Variants in LARS2 observed in about 807,000 individuals in gnomAD.
LARS2 encodes leucine--tRNA ligase, mitochondrial.
LARS2 carries 81 observed loss-of-function variants against 116.6 expected under a neutral mutation model. The observed-to-expected ratio is 0.69, with a 90% confidence interval of 0.58 to 0.84. LARS2 has a LOEUF of 0.84. Among genes scored for constraint, LARS2 ranks in the 40% least tolerant of loss-of-function variants. The probability of loss-of-function intolerance (pLI) is 0.00; values close to 1 mark genes in which losing one functional copy is unlikely to be tolerated. For missense variants in LARS2, 968 were observed against 1,114.5 expected (o/e 0.87, Z 1.87); for synonymous variants, 396 against 407.2 (o/e 0.97, Z 0.33).
At chr3:45,468,080 C>A (rs2125714915) in intron 8 of LARS2, among the ~76,000 whole-genome samples, 1 of 151,716 alleles carries the variant, frequency 6.6e-6, no homozygotes, top group South Asian at 2.1e-4. Context: ...GCCTGGGCGA[C>A]AGAGTGAGAC....
chr3:45,390,321 TA>T lies in LARS2; in HGVS notation c.-87-1261del, dbSNP rs1369873129. On this transcript the variant is annotated intron_variant, in intron 1 of 21. Coordinates refer to ENST00000645846, the MANE Select transcript of LARS2 (RefSeq NM_015340.4). ...ATTTTTATTTTTATTTTTATTTATT[TA>T]TTTTTTTTGAGACGGAGTCTTGCCC... Among the ~76,000 whole-genome samples, 11 of 152,200 alleles carry T rather than the reference TA, an allele frequency of 7.2e-5. No individual in the cohort carries two copies. The East Asian group carries it at 1.2e-3, about 16-fold the overall frequency.
chr3:45,500,408 G>C (rs1365821557), intron 14 of LARS2, 34 bp from the exon 15 acceptor site: 1 of 1,593,662 alleles, frequency 6.3e-7, no homozygotes, highest in Non-Finnish European at 8.5e-7. Flanking sequence ...TGGCAAAGCA[G>C]GTTTTTAAAA....
intron 14 of LARS2, among the ~76,000 whole-genome samples, chr3:45,499,398 C>T (rs559163682): frequency 6.6e-5 from 10 of 152,166 alleles, no homozygotes; most frequent in East Asian, 1.9e-4. Context: ...GCCGAGATCA[C>T]GCCCCTGCAA....
intron 13 of LARS2, among the ~76,000 whole-genome samples, chr3:45,494,295 A>G (rs1699972866): frequency 6.6e-6 from 1 of 152,308 alleles, no homozygotes; most frequent in South Asian, 2.1e-4. Context: ...TCCTTGGGTA[A>G]TATTTGTAAA....
In LARS2 at chr3:45,500,445, T is replaced by C. The variant is rs1352189510; in HGVS notation, c.1626T>C (p.Pro542=). 1 of 1,601,812 alleles carries C rather than the reference T, an allele frequency of 6.2e-7. No homozygotes were observed. Among genetic ancestry groups the C allele is most frequent in the Admixed American group, 1.8e-5 (1 of 56,584 alleles). ...RYTDPHNPHS[P]FNTAVADYWM... is the part of the protein sequence containing the mutation. ...TGCCTCCATCTCTTTTTTACAGCCCTTTTAACACAGCAGTGGCCGATTACT... is the reference window on the plus strand; with the variant it reads ...TGCCTCCATCTCTTTTTTACAGCCCCTTTAACACAGCAGTGGCCGATTACT... The change falls in exon 15 of 22, where the codon CCT becomes CCC. Residue 542 remains proline, a synonymous_variant. Transcript: ENST00000645846.
chr3:45,473,532 C>T lies in LARS2; in HGVS notation c.751-711C>T, dbSNP rs574130747. 1.4e-3 allele frequency among the ~76,000 whole-genome samples: 205 copies of T among 151,820 alleles called. 1 individual carries two copies. Among genetic ancestry groups the T allele is most frequent in the Middle Eastern group, 0.01 (3 of 294 alleles). On this transcript the variant is annotated intron_variant, in intron 8 of 21. Coordinates refer to ENST00000645846, the MANE Select transcript of LARS2 (RefSeq NM_015340.4). ...CCAAGTACCTGGGACTACAGGCAAG[C>T]ACCACCACGCCTGGCTAATTTTTGT...
At chr3:45,444,293 A>G (rs1698974953) in intron 6 of LARS2, among the ~76,000 whole-genome samples, 1 of 149,324 alleles carries the variant, frequency 6.7e-6, no homozygotes, top group Non-Finnish European at 1.5e-5. Flanking sequence ...GATTATAGGC[A>G]TGAGCCACTG....
rs749222943 is a variant in LARS2 at position 45,458,686 on chromosome 3, C to CA, written c.607-45dup. The CA allele has an allele frequency of 0.095, 102,478 of 1,074,504 alleles. 226 individuals carry two copies. Among genetic ancestry groups the CA allele is most frequent in the Non-Finnish European group, 0.11 (83,160 of 764,460 alleles). The allele number at this position is 1,074,504 out of a possible 1,614,324, so 66.6% of individuals were successfully genotyped here. A position where few individuals can be genotyped will look rare whatever the true frequency, so the allele number is the denominator to read the frequency against. On this transcript the variant is annotated intron_variant, in intron 7 of 21. Transcript: ENST00000645846. ...CGGGCGACAGTGCGACACTCCCTGT[C>CA]AAAAAAAAAAAAGAGTACTCACCAG...
chr3:45,438,804 C>T (rs1013589199), intron 6 of LARS2, among the ~76,000 whole-genome samples: 1 of 152,010 alleles, frequency 6.6e-6, no homozygotes, highest in Non-Finnish European at 1.5e-5. Flanking sequence ...CACTGCACTC[C>T]AGCCTGGGTG....
chr3:45,439,426 G>A (rs1255631490), intron 6 of LARS2, among the ~76,000 whole-genome samples: 1 of 151,616 alleles, frequency 6.6e-6, no homozygotes, highest in Non-Finnish European at 1.5e-5. Context: ...TCACAATGTT[G>A]GCCAGGCTGT....
At chr3:45,515,577 T>C (rs1024713544) in intron 16 of LARS2, among the ~76,000 whole-genome samples, 10 of 152,090 alleles carry the variant, frequency 6.6e-5, no homozygotes, top group African/African-American at 2.4e-4. Flanking sequence ...AAGAATAGGG[T>C]GTGGGTGGCT....
At chr3:45,484,616 A>ATATATATATAT (rs1381915093) in intron 10 of LARS2, among the ~76,000 whole-genome samples, 2 of 13,620 alleles carry the variant, frequency 1.5e-4, no homozygotes, top group African/African-American at 1.1e-4. Flanking sequence ...AAAAAAAAAA[A>ATATATATATAT]AAAAAAAAAA....
At chr3:45,473,980 TGTTA>T (rs1304873579) in intron 8 of LARS2, among the ~76,000 whole-genome samples, 2 of 152,248 alleles carry the variant, frequency 1.3e-5, no homozygotes, top group Non-Finnish European at 2.9e-5. Flanking sequence ...GACCTTTGTT[TGTTA>T]ATTTTCTTCT....
intron 20 of LARS2, among the ~76,000 whole-genome samples, chr3:45,538,844 C>T (rs1219828723): frequency 1.3e-5 from 2 of 152,170 alleles, no homozygotes; most frequent in Non-Finnish European, 2.9e-5. Context: ...AGTTCCAGTC[C>T]ACAACAAGAT....
At chr3:45,391,770 A>T (rs1487772444) in intron 2 of LARS2, 122 bp downstream of exon 2, 1 of 152,134 alleles carries the variant, frequency 6.6e-6, no homozygotes, top group East Asian at 1.9e-4. Context: ...CTGTTTCAGG[A>T]TTCTCTAGTT....
At chr3:45,476,919 T>C (rs1394537635) in intron 10 of LARS2, among the ~76,000 whole-genome samples, 1 of 152,224 alleles carries the variant, frequency 6.6e-6, no homozygotes, top group Admixed American at 6.5e-5. Context: ...CTCCTAGTTA[T>C]AAATTAGGAG....
intron 20 of LARS2, among the ~76,000 whole-genome samples, chr3:45,539,927 A>G (rs1700765645): frequency 6.6e-6 from 1 of 152,180 alleles, no homozygotes; most frequent in Non-Finnish European, 1.5e-5. Flanking sequence ...CTTTATATAT[A>G]CAAATAGTTA....
intron 20 of LARS2, among the ~76,000 whole-genome samples, chr3:45,530,895 G>A (rs951392522): frequency 9.9e-5 from 15 of 152,002 alleles, no homozygotes; most frequent in Non-Finnish European, 1.9e-4. Flanking sequence ...TGCATAATTT[G>A]TTAAGTTTCC....
At position 45,532,549 on chromosome 3, in the gene LARS2, T is replaced by A. The variant is rs984251242; in HGVS notation, c.2404+8441T>A. The stretch of plus-strand genomic sequence containing the variant: ...GCTGGGGTTATATAGAATTTTGCAG[T>A]TATTTTACTAAGACTAGCTTTTTCT... On this transcript the variant is annotated intron_variant, in intron 20 of 21. Transcript: ENST00000645846. Among the ~76,000 whole-genome samples, 7 of 152,364 alleles carry A rather than the reference T, an allele frequency of 4.6e-5. No individual in the cohort carries two copies. The East Asian group carries it at 1.2e-3, about 25-fold the overall frequency.
Sources: allele counts gnomAD v4.1 joint callset (sites outside exome capture counted in the v4.1 genomes callset), GRCh38; gene constraint gnomAD v4.1.1; transcripts MANE v1.5; gene names NCBI Gene and HGNC (gene_info 2026-07-23, HGNC 2026-07-21).